The following B3GALT1 variants were observed in gnomAD, a reference collection of about 807,000 sequenced individuals.
B3GALT1 encodes the protein UDP-Gal:betaGlcNAc beta 1,3-galactosyltransferase, polypeptide 1.
A neutral mutation model predicts 23.2 loss-of-function variants in B3GALT1; 10 were observed. That is an observed-to-expected ratio of 0.43 (90% CI 0.27 to 0.73). The LOEUF (loss-of-function observed/expected upper bound fraction) is 0.73. B3GALT1 is among the 30% of genes least tolerant of loss of function. B3GALT1 has a pLI of 0.21. For synonymous variants in B3GALT1, 156 were observed against 141.5 expected (o/e 1.10, Z -0.73); for missense variants, 299 against 405.4 (o/e 0.74, Z 2.25).
intron 2 of B3GALT1, among the ~76,000 whole-genome samples, chr2:167,501,636 C>G (rs1318976509): frequency 7.2e-6 from 1 of 138,452 alleles, no homozygotes; most frequent in Non-Finnish European, 1.5e-5. Flanking sequence ...AATATAAAAT[C>G]AATTTGGTCA....
chr2:167,797,004 TGTGCAGGAC>T lies in B3GALT1; in HGVS notation c.-351-21660_-351-21652del, dbSNP rs1688555524. Among the ~76,000 whole-genome samples the T allele has an allele frequency of 2.0e-5, 3 of 152,336 alleles. No individual in the cohort carries two copies. The South Asian group carries it at 6.2e-4, about 32-fold the overall frequency. On this transcript the variant is annotated intron_variant, in intron 3 of 4. Transcript: ENST00000392690. Reference sequence around the variant, plus strand: ...CTTTTATTTTCAGTTTTAAGGTACATGTGCAGGACGTGCAGGTTTGTTACAGAGGTAAAC... The same window carrying T: ...CTTTTATTTTCAGTTTTAAGGTACATGTGCAGGTTTGTTACAGAGGTAAAC...
chr2:167,802,588 C>T (rs1382215343), intron 3 of B3GALT1, among the ~76,000 whole-genome samples: 2 of 152,188 alleles, frequency 1.3e-5, no homozygotes, highest in East Asian at 1.9e-4. Flanking sequence ...TGGGGCTAAG[C>T]CTACACATTT....
intron 2 of B3GALT1, among the ~76,000 whole-genome samples, chr2:167,613,932 C>A (rs1416153450): frequency 6.6e-6 from 1 of 151,672 alleles, no homozygotes; most frequent in East Asian, 1.9e-4. Context: ...ACATTATAAT[C>A]TACCAGAAAT....
At chr2:167,586,744 A>T (rs1051759150) in intron 2 of B3GALT1, among the ~76,000 whole-genome samples, 1 of 152,252 alleles carries the variant, frequency 6.6e-6, no homozygotes. Flanking sequence ...AGATAAGTTA[A>T]GGAACATAGT....
At chr2:167,419,953 C>T (rs1487749527) in intron 1 of B3GALT1, among the ~76,000 whole-genome samples, 2 of 152,178 alleles carry the variant, frequency 1.3e-5, no homozygotes, top group African/African-American at 2.4e-5. Context: ...AAACATATTA[C>T]TTTTCCTTTG....
At chr2:167,336,671 T>C (rs768387776) in intron 1 of B3GALT1, among the ~76,000 whole-genome samples, 42 of 152,200 alleles carry the variant, frequency 2.8e-4, no homozygotes, top group Non-Finnish European at 5.3e-4. Flanking sequence ...TTTTGTTGTT[T>C]CTTAGCTATT....
intron 1 of B3GALT1, among the ~76,000 whole-genome samples, chr2:167,325,198 TTTC>T (rs1696873725): frequency 6.6e-6 from 1 of 152,112 alleles, no homozygotes; most frequent in South Asian, 2.1e-4. Flanking sequence ...GATATATTGA[TTTC>T]TTTTTTTTTG....
At chr2:167,405,101 C>G (rs1698252598) in intron 1 of B3GALT1, among the ~76,000 whole-genome samples, 1 of 152,138 alleles carries the variant, frequency 6.6e-6, no homozygotes, top group South Asian at 2.1e-4. Context: ...AGGATTGACT[C>G]ATTTGAGCCA....
intron 4 of B3GALT1, among the ~76,000 whole-genome samples, chr2:167,835,894 T>C (rs9752172): frequency 0.013 from 2,010 of 152,264 alleles, 39 homozygotes; most frequent in African/African-American, 0.046. Context: ...CTGCAGACAC[T>C]ACTGCTGATA....
intron 1 of B3GALT1, among the ~76,000 whole-genome samples, chr2:167,385,632 G>T (rs1399913661): frequency 6.6e-6 from 1 of 152,150 alleles, no homozygotes. Flanking sequence ...AGGGGCAGAG[G>T]GTTTATGGAA....
At chr2:167,344,064 T>C (rs540259485) in intron 1 of B3GALT1, among the ~76,000 whole-genome samples, 1 of 152,302 alleles carries the variant, frequency 6.6e-6, no homozygotes, top group East Asian at 1.9e-4. Flanking sequence ...CATCTCTTTC[T>C]TTTTCTAGAC....
At chr2:167,794,935 T>A (rs1325629617) in intron 3 of B3GALT1, among the ~76,000 whole-genome samples, 5 of 152,300 alleles carry the variant, frequency 3.3e-5, no homozygotes, top group Non-Finnish European at 1.5e-5. Context: ...GCTTTCCTTT[T>A]CCCATCTTTG....
intron 3 of B3GALT1, among the ~76,000 whole-genome samples, chr2:167,671,448 A>G (rs1437960729): frequency 6.6e-6 from 1 of 152,196 alleles, no homozygotes; most frequent in Non-Finnish European, 1.5e-5. Flanking sequence ...GAAGATTGAA[A>G]TCATATCAAA....
intron 3 of B3GALT1, among the ~76,000 whole-genome samples, chr2:167,816,287 G>A (rs1038677309): frequency 1.3e-5 from 2 of 152,124 alleles, no homozygotes; most frequent in Non-Finnish European, 2.9e-5. Flanking sequence ...TCCTGCCTCT[G>A]CTTTGCTAAA....
At chr2:167,683,714 G>C (rs1686572490) in intron 3 of B3GALT1, among the ~76,000 whole-genome samples, 1 of 151,948 alleles carries the variant, frequency 6.6e-6, no homozygotes, top group Non-Finnish European at 1.5e-5. Context: ...GTGAGAGTCT[G>C]TCTCAAAAAT....
At chr2:167,452,137 T>C (rs1337865161) in intron 1 of B3GALT1, among the ~76,000 whole-genome samples, 1 of 152,122 alleles carries the variant, frequency 6.6e-6, no homozygotes, top group Admixed American at 6.5e-5. Flanking sequence ...GCTTTCAGTT[T>C]TCACACCTTC....
chr2:167,426,370 G>C (rs1281453146), intron 1 of B3GALT1, among the ~76,000 whole-genome samples: 1 of 151,862 alleles, frequency 6.6e-6, no homozygotes, highest in African/African-American at 2.4e-5. Flanking sequence ...CGCCTCCTGG[G>C]TTCAGGCAGT....
intron 2 of B3GALT1, among the ~76,000 whole-genome samples, chr2:167,550,288 C>T (rs1050490314): frequency 2.6e-5 from 4 of 152,158 alleles, no homozygotes; most frequent in Admixed American, 6.6e-5. Flanking sequence ...AGTCTGAGTA[C>T]TTGTGAGGGA....
At chr2:167,484,836 A>G (rs1221488957) in intron 1 of B3GALT1, among the ~76,000 whole-genome samples, 2 of 152,178 alleles carry the variant, frequency 1.3e-5, no homozygotes, top group Admixed American at 6.5e-5. Context: ...ACAAGAGACA[A>G]CTTTGCCGTG....
Sources: allele counts gnomAD v4.1 joint callset (sites outside exome capture counted in the v4.1 genomes callset), GRCh38; gene constraint gnomAD v4.1.1; transcripts MANE v1.5; gene names NCBI Gene and HGNC (gene_info 2026-07-23, HGNC 2026-07-21).